The following ZNF469 variants were observed in gnomAD, a reference collection of about 807,000 sequenced individuals.
ZNF469 encodes zinc finger protein 469.
ZNF469 carries 1 observed loss-of-function variant against 1.0 expected under a neutral mutation model. That is an observed-to-expected ratio of 1.00 (90% CI 0.35 to 4.73). The LOEUF (loss-of-function observed/expected upper bound fraction) is 4.73, where lower values mean the gene tolerates loss of function less well. Among genes scored for constraint, ZNF469 ranks in the 30% most tolerant of loss-of-function variants. The pLI is 0.16. For synonymous variants in ZNF469, 2,703 were observed against 2,363.4 expected, an observed-to-expected ratio of 1.14 and a Z score of -4.17; for missense variants, 6,100 against 5,356.3, an observed-to-expected ratio of 1.14 and a Z score of -4.33.
the ZNF469 span, among the ~76,000 whole-genome samples, chr16:88,122,472 C>T: frequency 2.7e-5 from 4 of 147,286 alleles, no homozygotes; most frequent in South Asian, 4.4e-4. Flanking sequence ...CCACTCTGAT[C>T]ACATTCCCGT....
At chr16:88,180,541 G>A in the ZNF469 span, among the ~76,000 whole-genome samples, 1 of 152,200 alleles carries the variant, frequency 6.6e-6, no homozygotes, top group African/African-American at 2.4e-5. Context: ...GGAGGCCGAG[G>A]CGGGTGGATC....
the ZNF469 span, among the ~76,000 whole-genome samples, chr16:88,299,159 T>C: frequency 8.1e-6 from 1 of 123,666 alleles, no homozygotes; most frequent in Non-Finnish European, 1.7e-5. Flanking sequence ...GGGGAGGGCT[T>C]CCTGGAGGAG....
the ZNF469 span, among the ~76,000 whole-genome samples, chr16:88,292,164 G>T: frequency 6.6e-6 from 1 of 152,210 alleles, no homozygotes; most frequent in Non-Finnish European, 1.5e-5. Flanking sequence ...GGGGGAGCCA[G>T]AAGGGGCCCT....
chr16:88,414,184 C>A (rs558740321), intron 1 of ZNF469, among the ~76,000 whole-genome samples: 131 of 152,330 alleles, frequency 8.6e-4, no homozygotes, highest in African/African-American at 3.0e-3. Context: ...AGGGTAGAGT[C>A]CAACCTTGGG....
At chr16:88,400,579 C>G (rs985827369) in intron 1 of ZNF469, among the ~76,000 whole-genome samples, 1 of 152,188 alleles carries the variant, frequency 6.6e-6, no homozygotes, top group Non-Finnish European at 1.5e-5. Flanking sequence ...CCCAACTGCT[C>G]CACATCAGTC....
chr16:88,383,895 C>A lies in ZNF469; in HGVS notation c.-192+641C>A, dbSNP rs570220550. On this transcript the variant is annotated intron_variant, in intron 1 of 2. Coordinates refer to ENST00000565624, the MANE Select transcript of ZNF469 (RefSeq NM_001367624.2). ...TTGCAGAGCCGGGAAGTTGGCTGGA[C>A]GTCTAGACCCGTGGGGACGCGGCGC... Among the ~76,000 whole-genome samples the A allele has an allele frequency of 5.9e-5, 9 of 152,280 alleles. No individual in the cohort carries two copies. The South Asian group carries it at 1.2e-3, about 21-fold the overall frequency.
chr16:88,144,477 A>T, the ZNF469 span, among the ~76,000 whole-genome samples: 33 of 152,360 alleles, frequency 2.2e-4, no homozygotes, highest in African/African-American at 7.2e-4. Flanking sequence ...ACGTCCCTCC[A>T]GCCACCCCAG....
At chr16:88,372,217 A>G in the ZNF469 span, among the ~76,000 whole-genome samples, 2 of 9,920 alleles carry the variant, frequency 2.0e-4, no homozygotes, top group Non-Finnish European at 3.8e-4. Flanking sequence ...CATCATCACC[A>G]TCACCACTAT....
chr16:88,343,252 A>C, the ZNF469 span, among the ~76,000 whole-genome samples: 2 of 152,228 alleles, frequency 1.3e-5, no homozygotes, highest in Non-Finnish European at 2.9e-5. Context: ...CCGGTGACAA[A>C]GTAAACATGG....
the ZNF469 span, among the ~76,000 whole-genome samples, chr16:88,305,438 G>A: frequency 3.5e-4 from 38 of 108,924 alleles, no homozygotes; most frequent in African/African-American, 1.4e-3. Flanking sequence ...TCACACACGT[G>A]CACACATGCT....
At chr16:88,305,555 C>G in the ZNF469 span, among the ~76,000 whole-genome samples, 1 of 151,302 alleles carries the variant, frequency 6.6e-6, no homozygotes, top group Non-Finnish European at 1.5e-5. Flanking sequence ...TGTGTGCACA[C>G]CCTCACACGT....
the ZNF469 span, among the ~76,000 whole-genome samples, chr16:88,150,146 T>TA: frequency 6.6e-6 from 1 of 151,970 alleles, no homozygotes. Flanking sequence ...CGTCTCTACT[T>TA]AAAAAATACA....
chr16:88,244,077 A>G, the ZNF469 span, among the ~76,000 whole-genome samples: 1 of 143,984 alleles, frequency 6.9e-6, no homozygotes, highest in Non-Finnish European at 1.5e-5. Flanking sequence ...GGATGAATGG[A>G]TGGATGGATA....
chr16:88,171,220 A>AAAT, the ZNF469 span, among the ~76,000 whole-genome samples: 32 of 152,350 alleles, frequency 2.1e-4, no homozygotes, highest in African/African-American at 7.7e-4. Flanking sequence ...GGAATCCCTG[A>AAAT]AATAATGCAA....
chr16:88,171,474 G>A, the ZNF469 span, among the ~76,000 whole-genome samples: 1 of 152,202 alleles, frequency 6.6e-6, no homozygotes, highest in African/African-American at 2.4e-5. Flanking sequence ...TCCTGAAGCA[G>A]GAACCCTACC....
At chr16:88,394,534 A>C (rs1904600155) in intron 1 of ZNF469, among the ~76,000 whole-genome samples, 1 of 152,214 alleles carries the variant, frequency 6.6e-6, no homozygotes, top group Non-Finnish European at 1.5e-5. Context: ...TATCATGAGC[A>C]CAAGAGGTGC....
chr16:88,432,512 C>A lies in ZNF469; in HGVS notation c.5042C>A (p.Ser1681Tyr). 6.5e-7 allele frequency: 1 copy of A among 1,550,384 alleles called. No individual in the cohort carries two copies. Among genetic ancestry groups the A allele is most frequent in the Non-Finnish European group, 8.7e-7 (1 of 1,146,978 alleles). Residue 1681 changes from serine to tyrosine, a missense_variant, in exon 3 of 3, where the codon TCT becomes TAT. Ser to Tyr is a moderately radical substitution (Grantham distance 144). Transcript: ENST00000565624. ...LLPCAQEDLV[S>Y]GAPFSPRGAN... Reference sequence around the variant, plus strand: ...CCCTGTGCCCAGGAAGACCTGGTTTCTGGGGCTCCTTTCAGCCCCAGGGGA... The same window carrying A: ...CCCTGTGCCCAGGAAGACCTGGTTTATGGGGCTCCTTTCAGCCCCAGGGGA...
chr16:88,438,843 G>C lies in ZNF469; in HGVS notation c.11373G>C (p.Lys3791Asn). The C allele has an allele frequency of 6.5e-7, 1 of 1,550,368 alleles. No homozygotes were observed. Among genetic ancestry groups the C allele is most frequent in the Non-Finnish European group, 8.7e-7 (1 of 1,146,980 alleles). ...GAGCCCAAGCCAAGAGCTGCACCAAGGGGCCAAGGGAAGCTGGTGAGCAGG... is the reference window on the plus strand; with the variant it reads ...GAGCCCAAGCCAAGAGCTGCACCAACGGGCCAAGGGAAGCTGGTGAGCAGG... ...PARAQAKSCT[K>N]GPREAGEQGP... The change falls in exon 3 of 3, where the codon AAG (lysine) becomes AAC (asparagine). Residue 3791 changes from lysine (K) to asparagine (N), a missense_variant. Physicochemically the swap from Lys to Asn is moderately conservative, Grantham distance 94 (BLOSUM62 0). Coordinates refer to ENST00000565624, the MANE Select transcript of ZNF469 (RefSeq NM_001367624.2).
At chr16:88,179,826 T>C in the ZNF469 span, among the ~76,000 whole-genome samples, 1 of 152,236 alleles carries the variant, frequency 6.6e-6, no homozygotes, top group African/African-American at 2.4e-5. Flanking sequence ...GTGGGGTTTG[T>C]AACATGCAGA....
Sources: gnomAD v4.1 joint callset for allele counts (sites outside exome capture counted in the v4.1 genomes callset) on GRCh38, gnomAD v4.1.1 for gene constraint, MANE v1.5 for transcripts, NCBI Gene and HGNC (gene_info 2026-07-23, HGNC 2026-07-21) for gene names.